PCDHGB5: variants seen among roughly 807,000 people sequenced by gnomAD.
PCDHGB5 encodes protocadherin gamma-B5.
Under a neutral mutation model 62.9 loss-of-function variants are expected in PCDHGB5, and 48 were observed. The observed-to-expected ratio is 0.76, with a 90% CI of 0.61 to 0.97. The LOEUF is 0.97. Ranked by LOEUF, PCDHGB5 falls within the 50% of genes least tolerant of loss-of-function variation. PCDHGB5 has a pLI of 0.00. For synonymous variants in PCDHGB5, 474 were observed against 511.2 expected (o/e 0.93, Z 0.98); for missense variants, 1,118 against 1,198.6 (o/e 0.93, Z 0.99).
rs535739297 is a variant in PCDHGB5, at chr5:141,399,960, G to A, written c.1833G>A (p.Gly611=). ...SYHVLQASEP[G]LFSLGLRTGE... is the part of the protein sequence containing the mutation. ...ACGTGCTGCAGGCTAGCGAGCCCGG[G>A]CTCTTCAGCCTGGGGCTGCGCACAG... Residue 611 remains glycine, a synonymous_variant, in exon 1 of 4, where the codon GGG becomes GGA. Transcript: ENST00000617380. 8.1e-6 allele frequency: 13 copies of A among 1,612,214 alleles called. No homozygotes were observed. The African/African-American group carries it at 1.6e-4, about 20-fold the overall frequency.
intron 1 of PCDHGB5, among the ~76,000 whole-genome samples, chr5:141,456,124 C>G (rs2098844023): frequency 6.6e-6 from 1 of 152,072 alleles, no homozygotes. Context: ...GTCTCCATCT[C>G]CTGACCTCCT....
chr5:141,467,535 G>C (rs2099145685), intron 1 of PCDHGB5, among the ~76,000 whole-genome samples: 1 of 152,176 alleles, frequency 6.6e-6, no homozygotes, highest in South Asian at 2.1e-4. Flanking sequence ...GCTGAGATAT[G>C]GATCTGATTA....
At chr5:141,502,946 C>T (rs900624216) in intron 2 of PCDHGB5, among the ~76,000 whole-genome samples, 13 of 145,572 alleles carry the variant, frequency 8.9e-5, no homozygotes, top group African/African-American at 2.6e-4. Flanking sequence ...TGGGTTCAAG[C>T]GATTCTCCTG....
At chr5:141,408,889 A>T in intron 1 of PCDHGB5, 3 of 1,613,232 alleles carry the variant, frequency 1.9e-6, no homozygotes, top group Non-Finnish European at 2.5e-6. Flanking sequence ...CTCACATAGA[A>T]ATTTCTGTCA....
rs779183487 is a variant in PCDHGB5, at chr5:141,430,845, C to T, written c.2397+30321C>T. ...GGGACTCTGTGGGAGACCGGATGCA[C>T]CCAGATACGCTATTCAGTTCCGGAA... On this transcript the variant is annotated intron_variant, in intron 1 of 3. Coordinates refer to ENST00000617380, the MANE Select transcript of PCDHGB5 (RefSeq NM_018925.3). 27 of 1,575,514 alleles carry T rather than the reference C, an allele frequency of 1.7e-5. No individual in the cohort carries two copies. In the African/African-American group the frequency reaches 3.7e-4, roughly 21 times the overall value.
chr5:141,448,834 A>G (rs910945659), intron 1 of PCDHGB5, among the ~76,000 whole-genome samples: 2 of 151,780 alleles, frequency 1.3e-5, no homozygotes, highest in African/African-American at 4.8e-5. Context: ...AGTCCCAGCT[A>G]CTCTGGAGGC....
At position 141,477,961 on chromosome 5, in the gene PCDHGB5, C is replaced by T. The variant is rs199947431; in HGVS notation, c.2398-16846C>T. 21 of 1,614,048 alleles carry T rather than the reference C, an allele frequency of 1.3e-5. No homozygotes were observed. The Admixed American group carries it at 1.5e-4, about 12-fold the overall frequency. On this transcript the variant is annotated intron_variant, in intron 1 of 3. Coordinates refer to ENST00000617380, the MANE Select transcript of PCDHGB5 (RefSeq NM_018925.3). The surrounding 1 kb of genome is among the most constrained non-coding windows in gnomAD (Gnocchi z 4.9). Reference sequence around the variant, plus strand: ...CCTACAGTCTCTTGGGATCCCCTAACCAGAGCCTTTTTGCCATAGGGCTGC... The same window carrying T: ...CCTACAGTCTCTTGGGATCCCCTAATCAGAGCCTTTTTGCCATAGGGCTGC...
chr5:141,444,893 G>T (rs1238224263), intron 1 of PCDHGB5, among the ~76,000 whole-genome samples: 1 of 152,160 alleles, frequency 6.6e-6, no homozygotes, highest in Admixed American at 6.5e-5. Flanking sequence ...TTTTGAATGG[G>T]ATGGCATTGC....
intron 1 of PCDHGB5, chr5:141,414,831 G>A (rs1230752323): frequency 1.9e-6 from 3 of 1,614,212 alleles, no homozygotes; most frequent in Admixed American, 1.7e-5. Flanking sequence ...ACGTGTCGTT[G>A]AGCCTGTTTG....
chr5:141,415,849 C>A (rs1453652151), intron 1 of PCDHGB5: 2 of 1,230,672 alleles, frequency 1.6e-6, no homozygotes, highest in Non-Finnish European at 2.1e-6. Flanking sequence ...CTTTGCAGAA[C>A]CTTGTAGTTT....
rs1195592972 is a variant in PCDHGB5, at chr5:141,400,236, G to C, written c.2109G>C (p.Val703=). Reference sequence around the variant, plus strand: ...TCTCAGTGCTCTTCCTCCTGGCCGTGATTCTGGCCGTTGCCTTGCGCCTGC... The same window carrying C: ...TCTCAGTGCTCTTCCTCCTGGCCGTCATTCTGGCCGTTGCCTTGCGCCTGC... ...ALISVLFLLA[V]ILAVALRLRR... is the part of the protein sequence containing the mutation. Residue 703 remains valine, a synonymous_variant, in exon 1 of 4, where the codon GTG becomes GTC. Coordinates refer to ENST00000617380, the MANE Select transcript of PCDHGB5 (RefSeq NM_018925.3). 6 of 1,613,868 alleles carry C rather than the reference G, an allele frequency of 3.7e-6. No individual in the cohort carries two copies. Among genetic ancestry groups the C allele is most frequent in the African/African-American group, 1.3e-5 (1 of 74,918 alleles).
chr5:141,511,082 C>T lies in PCDHGB5; in HGVS notation c.2681C>T (p.Thr894Ile). Residue 894 changes from threonine to isoleucine, a missense_variant, in exon 4 of 4, where the codon ACA (threonine) becomes ATA (isoleucine). By Grantham distance (89) the Thr-to-Ile change is moderately conservative. This residue lies in a region of PCDHGB5 where 1,034 missense variants were observed against 1,029.1 expected (regional missense o/e 1.00). Transcript: ENST00000617380. ...QNVYIPGSNA[T>I]LTNAAGKRDG... ...GTCTACATCCCAGGCAGCAATGCCA[C>T]ACTGACCAACGCAGCTGGCAAGCGG... 1 of 1,614,224 alleles carries T rather than the reference C, an allele frequency of 6.2e-7. No individual in the cohort carries two copies. Among genetic ancestry groups the T allele is most frequent in the Non-Finnish European group, 8.5e-7 (1 of 1,180,028 alleles).
rs771117256 is a variant in PCDHGB5 at position 141,400,217 on chromosome 5, T to C, written c.2090T>C (p.Val697Ala). Reference sequence around the variant, plus strand: ...GTGGTGGCCTTGGCCTTGATCTCAGTGCTCTTCCTCCTGGCCGTGATTCTG... The same window carrying C: ...GTGGTGGCCTTGGCCTTGATCTCAGCGCTCTTCCTCCTGGCCGTGATTCTG... ...YLVVALALIS[V>A]LFLLAVILAV... The change falls in exon 1 of 4, where the codon GTG becomes GCG. Residue 697 changes from valine (V) to alanine (A), a missense_variant. Val to Ala is a moderately conservative substitution (Grantham distance 64). Around this residue, in one of 2 missense-constraint regions of PCDHGB5, gnomAD observed 1,034 missense variants for 1,029.1 expected, o/e 1.00. Transcript: ENST00000617380. 1 of 1,613,916 alleles carries C rather than the reference T, an allele frequency of 6.2e-7. No individual in the cohort carries two copies. The highest frequency in any genetic ancestry group is 8.5e-7 in the Non-Finnish European group (1 of 1,179,908).
At chr5:141,410,508 G>C in intron 1 of PCDHGB5, 2 of 1,613,968 alleles carry the variant, frequency 1.2e-6, no homozygotes, top group Non-Finnish European at 8.5e-7. Flanking sequence ...TTCCTAAAAT[G>C]CAGTGTGCCC....
At chr5:141,450,460 TTATA>T (rs1234300844) in intron 1 of PCDHGB5, among the ~76,000 whole-genome samples, 1 of 152,104 alleles carries the variant, frequency 6.6e-6, no homozygotes, top group Non-Finnish European at 1.5e-5. Flanking sequence ...CCTCGTGATT[TTATA>T]TATAGAGTTT....
intron 1 of PCDHGB5, among the ~76,000 whole-genome samples, chr5:141,482,804 G>T (rs1431490730): frequency 6.6e-6 from 1 of 152,194 alleles, no homozygotes; most frequent in East Asian, 1.9e-4. Flanking sequence ...GGGTACGGTG[G>T]CTCATGCCTG....
At position 141,432,069 on chromosome 5, in the gene PCDHGB5, A is replaced by G. The variant is rs572724741; in HGVS notation, c.2397+31545A>G. On this transcript the variant is annotated intron_variant, in intron 1 of 3. Transcript: ENST00000617380. The surrounding 1 kb of genome is among the most constrained non-coding windows in gnomAD (Gnocchi z 6.0). ...ACCCCGCCCCTATCCACGGAAACTC[A>G]TATCTCGCTGAACGTGGCAGACACC... 646 of 1,614,168 alleles carry G rather than the reference A, an allele frequency of 4.0e-4. 5 individuals are homozygous for G. In the South Asian group the frequency reaches 6.9e-3, roughly 17 times the overall value.
intron 1 of PCDHGB5, chr5:141,404,452 T>G (rs1197188094): frequency 2.5e-6 from 4 of 1,613,228 alleles, no homozygotes; most frequent in Non-Finnish European, 3.4e-6. Context: ...AAGGGTCTCC[T>G]CTCTCCACCT....
At chr5:141,494,770 C>A (rs767006872) in intron 1 of PCDHGB5, 37 bp from the exon 2 acceptor site, 14 of 1,613,904 alleles carry the variant, frequency 8.7e-6, no homozygotes, top group Non-Finnish European at 1.1e-5. Flanking sequence ...TAACTTCTCA[C>A]GGGTACTCAG....
Sources: gnomAD v4.1 joint callset for allele counts (sites outside exome capture counted in the v4.1 genomes callset) on GRCh38, gnomAD v4.1.1 for gene constraint, gnomAD v4.1.1 regional missense constraint, Gnocchi (gnomAD v3.1) non-coding constraint, MANE v1.5 for transcripts, NCBI Gene and HGNC (gene_info 2026-07-23, HGNC 2026-07-21) for gene names.